MYRIP: variants seen among roughly 807,000 people sequenced by gnomAD.
The protein encoded by MYRIP is myosin VIIA and Rab interacting protein, also known as rab effector MyRIP.
MYRIP carries 49 observed loss-of-function variants against 98.0 expected under a neutral mutation model. The ratio of observed to expected loss-of-function variants is 0.50; its 90% CI spans 0.40 to 0.63. MYRIP has a LOEUF of 0.63. Among genes scored for constraint, MYRIP ranks in the 30% least tolerant of loss-of-function variants. MYRIP has a pLI of 0.00. For synonymous variants in MYRIP, 404 were observed against 409.5 expected (o/e 0.99, Z 0.16); for missense variants, 1,004 against 1,058.2 (o/e 0.95, Z 0.71).
At chr3:39,975,518 G>T (rs866745145) in intron 2 of MYRIP, among the ~76,000 whole-genome samples, 23 of 152,008 alleles carry the variant, frequency 1.5e-4, no homozygotes, top group Admixed American at 7.9e-4. Flanking sequence ...AGCTACCAAT[G>T]ACTTTCTTCA....
chr3:39,905,187 T>A (rs1413047012), intron 2 of MYRIP, among the ~76,000 whole-genome samples: 1 of 152,170 alleles, frequency 6.6e-6, no homozygotes, highest in African/African-American at 2.4e-5. Flanking sequence ...TTCTTTTTTA[T>A]CAGATGATTT....
intron 3 of MYRIP, among the ~76,000 whole-genome samples, chr3:40,121,355 G>A (rs916803950): frequency 1.3e-5 from 2 of 152,074 alleles, no homozygotes; most frequent in Non-Finnish European, 1.5e-5. Context: ...CTAGACCCCA[G>A]CCTCCTACAA....
intron 3 of MYRIP, among the ~76,000 whole-genome samples, chr3:40,121,993 A>T (rs1949415250): frequency 1.3e-5 from 2 of 152,192 alleles, no homozygotes; most frequent in African/African-American, 4.8e-5. Context: ...GCTATATTAA[A>T]CTCACAACAT....
intron 1 of MYRIP, among the ~76,000 whole-genome samples, chr3:39,811,297 C>T (rs193045180): frequency 1.9e-4 from 29 of 152,230 alleles, no homozygotes; most frequent in Non-Finnish European, 4.0e-4. Context: ...AAATAATCCC[C>T]GCCGCCTTTC....
intron 2 of MYRIP, among the ~76,000 whole-genome samples, chr3:39,926,289 GT>G (rs1944420432): frequency 6.6e-5 from 10 of 151,944 alleles, no homozygotes; most frequent in Admixed American, 6.6e-4. Flanking sequence ...TGGGTCATTT[GT>G]TTACTCTGTT....
intron 2 of MYRIP, among the ~76,000 whole-genome samples, chr3:39,914,234 A>C (rs1254146543): frequency 6.6e-6 from 1 of 152,190 alleles, no homozygotes; most frequent in Non-Finnish European, 1.5e-5. Flanking sequence ...TTGGCTCAAC[A>C]AATAAGACGG....
chr3:40,153,095 G>C (rs552052075), intron 4 of MYRIP, among the ~76,000 whole-genome samples: 25 of 151,856 alleles, frequency 1.6e-4, no homozygotes, highest in African/African-American at 4.1e-4. Context: ...CTCCAGCCTG[G>C]GTGACAGAGC....
chr3:39,826,532 G>A (rs6799715), intron 1 of MYRIP, among the ~76,000 whole-genome samples: 1 of 151,968 alleles, frequency 6.6e-6, no homozygotes, highest in Non-Finnish European at 1.5e-5. Flanking sequence ...TTAATATGAT[G>A]TTTTAAAAAA....
At chr3:40,252,657 A>G (rs1464749604) in intron 16 of MYRIP, among the ~76,000 whole-genome samples, 1 of 152,226 alleles carries the variant, frequency 6.6e-6, no homozygotes, top group African/African-American at 2.4e-5. Flanking sequence ...ACTACCCAAG[A>G]ACAGCTGAAA....
At chr3:39,923,020 A>G (rs1172953684) in intron 2 of MYRIP, among the ~76,000 whole-genome samples, 2 of 152,238 alleles carry the variant, frequency 1.3e-5, no homozygotes, top group Non-Finnish European at 2.9e-5. Flanking sequence ...GCGAGGAAAT[A>G]AAGGATATAA....
At chr3:40,235,983 A>G (rs1952813266) in intron 12 of MYRIP, among the ~76,000 whole-genome samples, 1 of 152,240 alleles carries the variant, frequency 6.6e-6, no homozygotes, top group African/African-American at 2.4e-5. Context: ...ACCTTTCTCC[A>G]GATTCAATAC....
intron 2 of MYRIP, among the ~76,000 whole-genome samples, chr3:39,969,759 A>G (rs1945531997): frequency 6.6e-6 from 1 of 152,072 alleles, no homozygotes; most frequent in Non-Finnish European, 1.5e-5. Context: ...TCAATATTCA[A>G]CAAAGATATT....
intron 3 of MYRIP, among the ~76,000 whole-genome samples, chr3:40,134,175 T>A (rs1215421169): frequency 1.3e-5 from 2 of 152,200 alleles, no homozygotes; most frequent in Non-Finnish European, 2.9e-5. Flanking sequence ...AAAATCCCGT[T>A]ACTCCCACCC....
intron 1 of MYRIP, among the ~76,000 whole-genome samples, chr3:39,872,244 C>A (rs544039037): frequency 6.6e-6 from 1 of 151,836 alleles, no homozygotes; most frequent in East Asian, 1.9e-4. Flanking sequence ...AGTCTCTATA[C>A]GCTTTCGGTC....
intron 2 of MYRIP, among the ~76,000 whole-genome samples, chr3:39,986,044 T>G (rs1946023506): frequency 6.6e-6 from 1 of 152,172 alleles, no homozygotes; most frequent in Non-Finnish European, 1.5e-5. Context: ...GGAGAAAATT[T>G]TCGCAACCGA....
intron 2 of MYRIP, among the ~76,000 whole-genome samples, chr3:39,978,917 T>G (rs538522558): frequency 1.8e-4 from 27 of 152,218 alleles, no homozygotes; most frequent in African/African-American, 5.8e-4. Context: ...TTCAACATGA[T>G]ATTTGATGCA....
At chr3:40,145,012 C>A (rs755914176) in intron 3 of MYRIP, among the ~76,000 whole-genome samples, 3 of 152,174 alleles carry the variant, frequency 2.0e-5, no homozygotes, top group African/African-American at 7.2e-5. Context: ...TTATCAAGCC[C>A]TCTTCTGATG....
intron 7 of MYRIP, 128 bp downstream of exon 7, chr3:40,167,367 G>T: frequency 3.5e-6 from 3 of 862,676 alleles, no homozygotes; most frequent in South Asian, 1.6e-5. Context: ...TCTCACTTTA[G>T]ACTTTTGTGC....
At chr3:40,231,439 G>T (rs528320341) in intron 11 of MYRIP, among the ~76,000 whole-genome samples, 2 of 152,208 alleles carry the variant, frequency 1.3e-5, no homozygotes, top group African/African-American at 4.8e-5. Flanking sequence ...AGAATGAACC[G>T]TGGGGAATGT....
Sources: gnomAD v4.1 joint callset for allele counts (sites outside exome capture counted in the v4.1 genomes callset) on GRCh38, gnomAD v4.1.1 for gene constraint, MANE v1.5 for transcripts, NCBI Gene and HGNC (gene_info 2026-07-23, HGNC 2026-07-21) for gene names.